The following MAML2 variants were observed in gnomAD, a reference collection of about 807,000 sequenced individuals.
MAML2 encodes mastermind like transcriptional coactivator 2.
Under a neutral mutation model 96.1 loss-of-function variants are expected in MAML2, and 22 were observed. The observed-to-expected ratio is 0.23, with a 90% CI of 0.16 to 0.33. The LOEUF (loss-of-function observed/expected upper bound fraction) is 0.33, where lower values mean the gene tolerates loss of function less well. Ranked by LOEUF, MAML2 falls within the 10% of genes least tolerant of loss-of-function variation. The pLI is 1.00. For synonymous variants in MAML2, 561 were observed against 521.3 expected, an observed-to-expected ratio of 1.08 and a Z score of -1.04; for missense variants, 1,367 against 1,392.4, an observed-to-expected ratio of 0.98 and a Z score of 0.29.
At chr11:96,321,337 A>C (rs1863696951) in intron 1 of MAML2, among the ~76,000 whole-genome samples, 1 of 152,244 alleles carries the variant, frequency 6.6e-6, no homozygotes. Flanking sequence ...TCAAAGTTCA[A>C]GCCTCTCCTT....
At chr11:96,323,190 T>C (rs1386897104) in intron 1 of MAML2, among the ~76,000 whole-genome samples, 1 of 152,114 alleles carries the variant, frequency 6.6e-6, no homozygotes, top group Non-Finnish European at 1.5e-5. Context: ...GGGTGGGGCT[T>C]AGATACAATA....
At chr11:96,165,487 C>T (rs1452076374) in intron 1 of MAML2, among the ~76,000 whole-genome samples, 1 of 151,980 alleles carries the variant, frequency 6.6e-6, no homozygotes, top group Non-Finnish European at 1.5e-5. Context: ...AGGGCTTTTC[C>T]AATTTTTCAG....
chr11:96,216,351 C>T (rs1862049817), intron 1 of MAML2, among the ~76,000 whole-genome samples: 1 of 152,154 alleles, frequency 6.6e-6, no homozygotes, highest in African/African-American at 2.4e-5. Context: ...GAAGAGGAAG[C>T]CACTGCTTTC....
intron 2 of MAML2, among the ~76,000 whole-genome samples, chr11:95,998,155 T>TCTGC (rs1858024618): frequency 7.0e-6 from 1 of 142,978 alleles, no homozygotes; most frequent in East Asian, 2.0e-4. Context: ...TGTCTGTCTG[T>TCTGC]CTGTCTGTCT....
chr11:96,338,339 C>T lies in MAML2; in HGVS notation c.513+3044G>A, dbSNP rs147363055. Among the ~76,000 whole-genome samples, 491 of 152,390 alleles carry T rather than the reference C, an allele frequency of 3.2e-3. 1 individual carries two copies. Among genetic ancestry groups the T allele is most frequent in the Middle Eastern group, 6.8e-3 (2 of 294 alleles). The stretch of plus-strand genomic sequence containing the variant: ...GGCCCTGTTCCTGCAGACTCTGCAG[C>T]AGCGGGGCTTCCCCTGAACTTGTAC... On this transcript the variant is annotated intron_variant, in intron 1 of 4. Transcript: ENST00000524717.
intron 2 of MAML2, among the ~76,000 whole-genome samples, chr11:96,075,592 C>A (rs1023508045): frequency 6.6e-6 from 1 of 151,950 alleles, no homozygotes; most frequent in African/African-American, 2.4e-5. Context: ...GTGCTGGGGA[C>A]TGAAAGAGGG....
intron 1 of MAML2, among the ~76,000 whole-genome samples, chr11:96,099,419 C>T (rs1859885468): frequency 6.6e-6 from 1 of 152,094 alleles, no homozygotes; most frequent in Admixed American, 6.5e-5. Flanking sequence ...CAGAAAGAAT[C>T]TTCACTTCTT....
At chr11:96,213,367 G>T (rs1347991754) in intron 1 of MAML2, among the ~76,000 whole-genome samples, 1 of 152,128 alleles carries the variant, frequency 6.6e-6, no homozygotes, top group Non-Finnish European at 1.5e-5. Context: ...CCTAATTCAG[G>T]TCTCCTAATT....
At chr11:96,325,833 C>G (rs1863768665) in intron 1 of MAML2, among the ~76,000 whole-genome samples, 1 of 152,216 alleles carries the variant, frequency 6.6e-6, no homozygotes, top group Non-Finnish European at 1.5e-5. Flanking sequence ...CAAAGTAGCA[C>G]ACAGCCTGGG....
intron 1 of MAML2, among the ~76,000 whole-genome samples, chr11:96,301,707 G>A (rs575326725): frequency 1.3e-5 from 2 of 152,298 alleles, no homozygotes; most frequent in Non-Finnish European, 2.9e-5. Flanking sequence ...ATGGTTGAAG[G>A]CATATTAATA....
intron 1 of MAML2, among the ~76,000 whole-genome samples, chr11:96,103,446 C>T (rs368026110): frequency 2.6e-5 from 4 of 152,242 alleles, no homozygotes; most frequent in Non-Finnish European, 5.9e-5. Context: ...GTAGAGGGAC[C>T]ACTTTAAATA....
Position 96,029,748 on chromosome 11 carries a change from C to T in MAML2, c.2140-38025G>A, listed in dbSNP as rs190377571. Reference sequence around the variant, plus strand: ...AGCTCTGACTTTCTATGTTCAGTGGCGCTTTAAAAATTTAGTGGTGAGGTT... The same window carrying T: ...AGCTCTGACTTTCTATGTTCAGTGGTGCTTTAAAAATTTAGTGGTGAGGTT... On this transcript the variant is annotated intron_variant, in intron 2 of 4. Coordinates refer to ENST00000524717, the MANE Select transcript of MAML2 (RefSeq NM_032427.4). 5.9e-5 allele frequency among the ~76,000 whole-genome samples: 9 copies of T among 152,186 alleles called. No individual in the cohort carries two copies. In the East Asian group the frequency reaches 1.7e-3, roughly 29 times the overall value.
At chr11:96,054,039 A>G (rs529976037) in intron 2 of MAML2, among the ~76,000 whole-genome samples, 2 of 152,298 alleles carry the variant, frequency 1.3e-5, no homozygotes, top group African/African-American at 4.8e-5. Context: ...AAAAAAATGA[A>G]CAATCTTACT....
At chr11:96,168,110 G>T (rs1259283552) in intron 1 of MAML2, among the ~76,000 whole-genome samples, 1 of 152,130 alleles carries the variant, frequency 6.6e-6, no homozygotes, top group Admixed American at 6.5e-5. Flanking sequence ...TTCAAACTCT[G>T]TGCCATTTAC....
chr11:96,109,947 G>A (rs1653692570), intron 1 of MAML2, among the ~76,000 whole-genome samples: 1 of 152,166 alleles, frequency 6.6e-6, no homozygotes, highest in Non-Finnish European at 1.5e-5. Flanking sequence ...AAAAGGGTGG[G>A]AATGAAACTC....
chr11:96,340,506 T>G lies in MAML2; in HGVS notation c.513+877A>C, dbSNP rs141510736. Among the ~76,000 whole-genome samples the G allele has an allele frequency of 1.1e-4, 16 of 152,370 alleles. 2 individuals carry two copies. Among genetic ancestry groups the G allele is most frequent in the African/African-American group, 3.8e-4 (16 of 41,598 alleles). On this transcript the variant is annotated intron_variant, in intron 1 of 4. Transcript: ENST00000524717. ...CACTGAGAATCAATGATCCAAGGGA[T>G]ACTCCTCTGGGATGGTGTGTGTCTG...
chr11:96,204,862 C>T (rs1374376295), intron 1 of MAML2, among the ~76,000 whole-genome samples: 1 of 152,136 alleles, frequency 6.6e-6, no homozygotes. Context: ...AAATTAGTTG[C>T]CTTTCTCCTC....
chr11:96,114,168 C>G (rs1247431158), intron 1 of MAML2, among the ~76,000 whole-genome samples: 4 of 152,170 alleles, frequency 2.6e-5, no homozygotes, highest in Admixed American at 2.0e-4. Flanking sequence ...ATCCTCCTAC[C>G]TTGGCCTCCC....
chr11:95,985,410 T>A (rs1039925431), intron 4 of MAML2, 121 bp downstream of exon 4: 4 of 618,698 alleles, frequency 6.5e-6, no homozygotes, highest in Non-Finnish European at 8.2e-6. Flanking sequence ...GAAAGTCAAA[T>A]GGGAGTTAGA....
Sources: gnomAD v4.1 joint callset for allele counts (sites outside exome capture counted in the v4.1 genomes callset) on GRCh38, gnomAD v4.1.1 for gene constraint, MANE v1.5 for transcripts, NCBI Gene and HGNC (gene_info 2026-07-23, HGNC 2026-07-21) for gene names.